TMEM108: variants seen among roughly 807,000 people sequenced by gnomAD.
TMEM108 encodes the protein transmembrane protein 108, also known as cancer/testis antigen 124.
In TMEM108, 12 loss-of-function variants were observed where a neutral mutation model predicts 35.1. The ratio of observed to expected loss-of-function variants is 0.34; its 90% confidence interval spans 0.22 to 0.55. The LOEUF (loss-of-function observed/expected upper bound fraction) is 0.55. TMEM108 is among the 20% of genes least tolerant of loss of function. TMEM108 has a pLI of 0.89. For missense variants in TMEM108, 680 were observed against 753.3 expected (o/e 0.90, Z 1.14); for synonymous variants, 287 against 308.6 (o/e 0.93, Z 0.73).
chr3:133,336,578 CTG>C, intron 3 of TMEM108, among the ~76,000 whole-genome samples: 1 of 152,084 alleles, frequency 6.6e-6, no homozygotes, highest in Non-Finnish European at 1.5e-5. Context: ...GGGTGGGACT[CTG>C]AGACTCACTG....
At chr3:133,068,278 A>C (rs914359910) in intron 2 of TMEM108, among the ~76,000 whole-genome samples, 1 of 152,116 alleles carries the variant, frequency 6.6e-6, no homozygotes, top group Non-Finnish European at 1.5e-5. Flanking sequence ...CTGAGACATG[A>C]CCAATGGGAA....
chr3:133,373,075 AAAG>A (rs1559935287), intron 3 of TMEM108, among the ~76,000 whole-genome samples: 1 of 152,156 alleles, frequency 6.6e-6, no homozygotes, highest in Non-Finnish European at 1.5e-5. Context: ...GTGAGTAGAA[AAAG>A]AACACTGGCC....
intron 2 of TMEM108, among the ~76,000 whole-genome samples, chr3:133,149,034 AT>A (rs1559847982): frequency 6.6e-6 from 1 of 151,994 alleles, no homozygotes; most frequent in East Asian, 1.9e-4. Context: ...AAACACAAAT[AT>A]TTAACCTAGC....
At chr3:133,354,519 TA>T (rs1336436189) in intron 3 of TMEM108, among the ~76,000 whole-genome samples, 4 of 152,214 alleles carry the variant, frequency 2.6e-5, no homozygotes, top group African/African-American at 9.7e-5. Context: ...TTGGCATTTT[TA>T]TATTGGATTC....
At chr3:133,209,268 G>A (rs1463920766) in intron 2 of TMEM108, among the ~76,000 whole-genome samples, 4 of 151,294 alleles carry the variant, frequency 2.6e-5, no homozygotes, top group East Asian at 1.9e-4. Context: ...TCTCAACTCC[G>A]GCCTCAAGCA....
chr3:133,229,463 C>A, intron 3 of TMEM108, 112 bp downstream of exon 3: 1 of 904,742 alleles, frequency 1.1e-6, no homozygotes, highest in Non-Finnish European at 1.7e-6. Flanking sequence ...TGAAAGAGGA[C>A]AGTAAAGTTT....
At chr3:133,055,070 A>T (rs1320362223) in intron 2 of TMEM108, among the ~76,000 whole-genome samples, 1 of 152,148 alleles carries the variant, frequency 6.6e-6, no homozygotes, top group Non-Finnish European at 1.5e-5. Flanking sequence ...GCAGAGATAA[A>T]ACATTTGCTC....
intron 3 of TMEM108, among the ~76,000 whole-genome samples, chr3:133,339,096 T>G (rs974328797): frequency 1.3e-5 from 2 of 150,806 alleles, no homozygotes; most frequent in African/African-American, 4.9e-5. Context: ...ATGACATGAG[T>G]AACCCTTACT....
chr3:133,283,339 A>G (rs1464400255), intron 3 of TMEM108, among the ~76,000 whole-genome samples: 2 of 152,144 alleles, frequency 1.3e-5, no homozygotes, highest in African/African-American at 4.8e-5. Flanking sequence ...AATGCAACGA[A>G]GATTTCAGGA....
chr3:133,216,395 A>G (rs1458781925), intron 2 of TMEM108, among the ~76,000 whole-genome samples: 2 of 151,992 alleles, frequency 1.3e-5, no homozygotes, highest in Non-Finnish European at 2.9e-5. Flanking sequence ...TGAAGTCCCC[A>G]CCTGTGCCAC....
chr3:133,387,813 C>T, intron 4 of TMEM108: 3 of 983,802 alleles, frequency 3.0e-6, no homozygotes, highest in Non-Finnish European at 3.6e-6. Context: ...TAGATTGTCA[C>T]CTAGATTCTA....
chr3:133,353,838 C>T (rs1164018755), intron 3 of TMEM108, among the ~76,000 whole-genome samples: 1 of 152,210 alleles, frequency 6.6e-6, no homozygotes, highest in East Asian at 1.9e-4. Flanking sequence ...GTCTTGCCGA[C>T]GATTCAATTT....
intron 2 of TMEM108, among the ~76,000 whole-genome samples, chr3:133,116,726 G>A (rs536641401): frequency 4.7e-4 from 72 of 152,282 alleles, no homozygotes; most frequent in Non-Finnish European, 7.6e-4. Flanking sequence ...AGATACCAGT[G>A]TACCAGTGCA....
At chr3:133,308,066 G>C (rs879668519) in intron 3 of TMEM108, among the ~76,000 whole-genome samples, 27 of 152,054 alleles carry the variant, frequency 1.8e-4, no homozygotes, top group Non-Finnish European at 3.4e-4. Flanking sequence ...TCCTTGAAGA[G>C]GTCCTTCACA....
chr3:133,355,922 C>T (rs1227301406), intron 3 of TMEM108, among the ~76,000 whole-genome samples: 2 of 152,038 alleles, frequency 1.3e-5, no homozygotes, highest in African/African-American at 2.4e-5. Context: ...TTTCTTCTTA[C>T]ATTTGATGAA....
chr3:133,229,457 A>G, intron 3 of TMEM108, 106 bp downstream of exon 3: 1 of 982,446 alleles, frequency 1.0e-6, no homozygotes, highest in Non-Finnish European at 1.5e-6. Flanking sequence ...GATCGGTGAA[A>G]GAGGACAGTA....
At chr3:133,266,902 C>G (rs966904115) in intron 3 of TMEM108, among the ~76,000 whole-genome samples, 1 of 115,804 alleles carries the variant, frequency 8.6e-6, no homozygotes, top group Admixed American at 1.0e-4. Context: ...GAAACCCTGT[C>G]TCTACTAAAA....
At chr3:133,367,661 G>T (rs189147445) in intron 3 of TMEM108, among the ~76,000 whole-genome samples, 16 of 152,340 alleles carry the variant, frequency 1.1e-4, no homozygotes, top group Admixed American at 3.3e-4. Flanking sequence ...ATACCAAGCA[G>T]CTTTGCACAG....
intron 3 of TMEM108, among the ~76,000 whole-genome samples, chr3:133,243,799 CA>C (rs1946347031): frequency 6.6e-6 from 1 of 151,954 alleles, no homozygotes; most frequent in Non-Finnish European, 1.5e-5. Flanking sequence ...GCTGGGATTA[CA>C]GGCATGAGCC....
Sources: gnomAD v4.1 joint callset for allele counts (sites outside exome capture counted in the v4.1 genomes callset) on GRCh38, gnomAD v4.1.1 for gene constraint, MANE v1.5 for transcripts, NCBI Gene and HGNC (gene_info 2026-07-23, HGNC 2026-07-21) for gene names.